The following ABHD12B variants were observed in gnomAD, a reference collection of about 807,000 sequenced individuals.
ABHD12B encodes protein ABHD12B.
A neutral mutation model predicts 50.4 loss-of-function variants in ABHD12B; 42 were observed. The observed-to-expected ratio is 0.83, with a 90% CI of 0.65 to 1.08. ABHD12B has a LOEUF of 1.08. ABHD12B is among the 50% of genes least tolerant of loss of function. The probability of loss-of-function intolerance (pLI) is 0.00; values close to 1 mark genes in which losing one functional copy is unlikely to be tolerated. For missense variants in ABHD12B, 479 were observed against 447.7 expected (o/e 1.07, Z -0.63); for synonymous variants, 167 against 160.3 (o/e 1.04, Z -0.32).
In ABHD12B at chr14:50,904,712, C is replaced by G. The variant is rs888239819; in HGVS notation, c.*346C>G. 6 of 358,992 alleles carry G rather than the reference C, an allele frequency of 1.7e-5. No individual in the cohort carries two copies. Among genetic ancestry groups the G allele is most frequent in the East Asian group, 6.0e-5 (1 of 16,702 alleles). 22.2% of individuals were successfully genotyped at this position (358,992 alleles called of 1,614,324 possible). A position where few individuals can be genotyped will look rare whatever the true frequency, so the allele number is the denominator to read the frequency against. On this transcript the variant is annotated 3_prime_UTR_variant, in exon 13 of 13. Transcript: ENST00000337334. Reference sequence around the variant, plus strand: ...TGGTCCGAATATCTGGGCCTGCCCCCCCAAATTATGCTGAAACCTAATCAC... The same window carrying G: ...TGGTCCGAATATCTGGGCCTGCCCCGCCAAATTATGCTGAAACCTAATCAC...
At chr14:50,888,438 G>C (rs1027795081) in intron 8 of ABHD12B, among the ~76,000 whole-genome samples, 1 of 152,038 alleles carries the variant, frequency 6.6e-6, no homozygotes, top group Non-Finnish European at 1.5e-5. Flanking sequence ...TCCTGACCTC[G>C]TGATCCGCCT....
rs2050297767 is a variant in ABHD12B at position 50,903,978 on chromosome 14, C to T, written c.943-96C>T. 4 of 993,372 alleles carry T rather than the reference C, an allele frequency of 4.0e-6. No individual in the cohort carries two copies. The Admixed American group carries it at 8.7e-5, about 22-fold the overall frequency. 61.5% of individuals were successfully genotyped at this position (993,372 alleles called of 1,614,324 possible). A position where few individuals can be genotyped will look rare whatever the true frequency, so the allele number is the denominator to read the frequency against. ...CTCTGACTTAATGGAACAAACTCCCCAAGTTAGCTGTTTCTGTACACTTTT... is the reference window on the plus strand; with the variant it reads ...CTCTGACTTAATGGAACAAACTCCCTAAGTTAGCTGTTTCTGTACACTTTT... On this transcript the variant is annotated intron_variant, in intron 11 of 12. Transcript: ENST00000337334.
At chr14:50,883,105 T>C (rs1015058052) in intron 5 of ABHD12B, among the ~76,000 whole-genome samples, 1 of 152,178 alleles carries the variant, frequency 6.6e-6, no homozygotes, top group African/African-American at 2.4e-5. Context: ...GCCCCTGTGT[T>C]TCCAGGTATG....
chr14:50,885,984 C>T (rs190574457), intron 7 of ABHD12B, 89 bp downstream of exon 7: 307 of 1,566,622 alleles, frequency 2.0e-4, no homozygotes, highest in African/African-American at 1.8e-3. Context: ...GAGGGAGCAC[C>T]GAGCCAGAAG....
At chr14:50,896,711 C>T (rs370223743) in intron 9 of ABHD12B, among the ~76,000 whole-genome samples, 338 of 152,072 alleles carry the variant, frequency 2.2e-3, no homozygotes, top group African/African-American at 7.8e-3. Flanking sequence ...GAGCAACCCC[C>T]TTTGACTGTA....
intron 5 of ABHD12B, among the ~76,000 whole-genome samples, chr14:50,884,723 T>C (rs2050011231): frequency 7.1e-6 from 1 of 140,122 alleles, no homozygotes; most frequent in South Asian, 2.4e-4. Flanking sequence ...TTTTTTTTTT[T>C]TTTTTTTTTT....
chr14:50,882,393 T>TTG (rs2049967016), intron 5 of ABHD12B, among the ~76,000 whole-genome samples: 1 of 144,448 alleles, frequency 6.9e-6, no homozygotes, highest in Non-Finnish European at 1.5e-5. Flanking sequence ...TTTTTTTTTT[T>TTG]TGAGACGGAG....
At chr14:50,874,136 G>A (rs2049826171) in intron 1 of ABHD12B, among the ~76,000 whole-genome samples, 1 of 152,240 alleles carries the variant, frequency 6.6e-6, no homozygotes, top group Admixed American at 6.5e-5. Context: ...CTAGTGGGAT[G>A]TGTTGTGAGA....
intron 5 of ABHD12B, among the ~76,000 whole-genome samples, chr14:50,883,884 T>C (rs1319931601): frequency 2.0e-5 from 3 of 152,274 alleles, no homozygotes; most frequent in African/African-American, 7.2e-5. Context: ...AACAGACTAA[T>C]ACAGCTATTT....
chr14:50,899,930 A>AG, intron 9 of ABHD12B, among the ~76,000 whole-genome samples: 1 of 152,006 alleles, frequency 6.6e-6, no homozygotes, highest in East Asian at 1.9e-4. Flanking sequence ...TAAAAAAAAA[A>AG]AAAAGAAAAA....
chr14:50,892,618 T>C, intron 9 of ABHD12B: 1 of 977,242 alleles, frequency 1.0e-6, no homozygotes, highest in Middle Eastern at 5.2e-4. Context: ...CTTTATCTTC[T>C]GTGTTATATG....
intron 1 of ABHD12B, among the ~76,000 whole-genome samples, 199 bp from the exon 2 acceptor site, chr14:50,877,753 G>A (rs553295724): frequency 6.6e-6 from 1 of 152,050 alleles, no homozygotes; most frequent in East Asian, 1.9e-4. Flanking sequence ...TGTAATGCCA[G>A]CTACTTGGGA....
At chr14:50,874,017 C>T (rs1253917704) in intron 1 of ABHD12B, among the ~76,000 whole-genome samples, 1 of 152,156 alleles carries the variant, frequency 6.6e-6, no homozygotes, top group Non-Finnish European at 1.5e-5. Flanking sequence ...GGCCCAGACC[C>T]ATTTCCACTA....
rs552533471 is a variant in ABHD12B at position 50,880,675 on chromosome 14, C to T, written c.455+104C>T. The T allele has an allele frequency of 5.8e-5, 73 of 1,264,976 alleles. 1 individual carries two copies. The African/African-American group carries it at 9.7e-4, about 17-fold the overall frequency. 78.4% of individuals were successfully genotyped at this position (1,264,976 alleles called of 1,614,324 possible). On this transcript the variant is annotated intron_variant, in intron 4 of 12. Coordinates refer to ENST00000337334, the MANE Select transcript of ABHD12B (RefSeq NM_001206673.2). Reference sequence around the variant, plus strand: ...TCTGTTTTTAACTCTGTAGGCATGCCTTCACATATTTCTTCTCCTTTGTTG... The same window carrying T: ...TCTGTTTTTAACTCTGTAGGCATGCTTTCACATATTTCTTCTCCTTTGTTG...
intron 5 of ABHD12B, 26 bp from the exon 6 acceptor site, chr14:50,885,588 G>A: frequency 6.2e-7 from 1 of 1,613,992 alleles, no homozygotes; most frequent in African/African-American, 1.3e-5. Context: ...TCTAATTAAA[G>A]TGATAACAGC....
At chr14:50,899,124 C>T (rs1270227930) in intron 9 of ABHD12B, among the ~76,000 whole-genome samples, 12 of 152,042 alleles carry the variant, frequency 7.9e-5, no homozygotes, top group Admixed American at 7.9e-4. Flanking sequence ...ACCCGGGAGG[C>T]GGAGGTGCGG....
At chr14:50,904,263 C>T in intron 12 of ABHD12B, 71 bp downstream of exon 12, 6 of 1,613,486 alleles carry the variant, frequency 3.7e-6, no homozygotes, top group Non-Finnish European at 5.1e-6. Flanking sequence ...ACTTAGGCCA[C>T]AACATGAAAA....
chr14:50,899,192 CA>C (rs1279918775), intron 9 of ABHD12B, among the ~76,000 whole-genome samples: 1 of 151,836 alleles, frequency 6.6e-6, no homozygotes, highest in East Asian at 1.9e-4. Flanking sequence ...CACTCCGTCT[CA>C]AAAAAACAAA....
In ABHD12B at chr14:50,873,417, T is replaced by C. The variant is rs141688293; in HGVS notation, c.104+1139T>C. Among the ~76,000 whole-genome samples the C allele has an allele frequency of 6.4e-3, 979 of 152,298 alleles. 17 individuals carry two copies. Among genetic ancestry groups the C allele is most frequent in the African/African-American group, 0.023 (943 of 41,568 alleles). ...GTAGATATGGGTTTTCACTACATTG[T>C]TCAGGTTGGTCTCAAACTCCTGGAG... is the stretch of plus-strand genomic sequence containing the variant. On this transcript the variant is annotated intron_variant, in intron 1 of 12. Coordinates refer to ENST00000337334, the MANE Select transcript of ABHD12B (RefSeq NM_001206673.2).
Sources: gnomAD v4.1 joint callset for allele counts (sites outside exome capture counted in the v4.1 genomes callset) on GRCh38, gnomAD v4.1.1 for gene constraint, MANE v1.5 for transcripts, NCBI Gene and HGNC (gene_info 2026-07-23, HGNC 2026-07-21) for gene names.